TSPAN15: variants seen among roughly 807,000 people sequenced by gnomAD.
TSPAN15 encodes the protein tetraspanin 15.
TSPAN15 carries 20 observed loss-of-function variants against 34.5 expected under a neutral mutation model. The observed-to-expected ratio is 0.58, with a 90% CI of 0.41 to 0.84. The LOEUF (loss-of-function observed/expected upper bound fraction) is 0.84. Among genes scored for constraint, TSPAN15 ranks in the 40% least tolerant of loss-of-function variants. TSPAN15 has a pLI of 0.00. For synonymous variants in TSPAN15, 155 were observed against 153.9 expected (o/e 1.01, Z -0.05); for missense variants, 313 against 386.1 (o/e 0.81, Z 1.59).
intron 1 of TSPAN15, among the ~76,000 whole-genome samples, chr10:69,466,544 G>A (rs1339751035): frequency 5.5e-5 from 6 of 108,988 alleles, no homozygotes; most frequent in East Asian, 5.4e-4. Flanking sequence ...GGTCAGGACC[G>A]TATTTACTTG....
At chr10:69,545,320 T>C in the TSPAN15 span, among the ~76,000 whole-genome samples, 2 of 152,284 alleles carry the variant, frequency 1.3e-5, no homozygotes, top group South Asian at 4.1e-4. Flanking sequence ...CTTTGGGGAC[T>C]TCCTGCTCCC....
At chr10:69,508,876 A>T (rs142068133), downstream of TSPAN15, among the ~76,000 whole-genome samples, 436 of 152,306 alleles carry the variant, frequency 2.9e-3, 3 homozygotes, top group African/African-American at 0.01. Flanking sequence ...CTGTGCACAC[A>T]TGGTACTAGG....
chr10:69,469,111 AC>A, intron 1 of TSPAN15, among the ~76,000 whole-genome samples: 1 of 146,588 alleles, frequency 6.8e-6, no homozygotes, highest in East Asian at 2.0e-4. Flanking sequence ...TCTATGTAAA[AC>A]TTTTTTTTTT....
chr10:69,495,322 C>A, intron 3 of TSPAN15: 1 of 387,782 alleles, frequency 2.6e-6, no homozygotes. Context: ...AGGGCCTGGG[C>A]TGTCTGGTCT....
the TSPAN15 span, among the ~76,000 whole-genome samples, chr10:69,547,388 C>T: frequency 6.6e-6 from 1 of 152,184 alleles, no homozygotes; most frequent in African/African-American, 2.4e-5. Flanking sequence ...GCCCTGTGCT[C>T]ACTGCTGGGA....
intron 1 of TSPAN15, among the ~76,000 whole-genome samples, chr10:69,476,846 G>C (rs184122819): frequency 5.3e-5 from 8 of 152,236 alleles, no homozygotes; most frequent in African/African-American, 1.9e-4. Flanking sequence ...GGCCAGGTCA[G>C]TGGGATGGAG....
At chr10:69,496,318 TGCAATAATA>T (rs1564613794) in intron 4 of TSPAN15, among the ~76,000 whole-genome samples, 4 of 106,368 alleles carry the variant, frequency 3.8e-5, no homozygotes, top group African/African-American at 1.5e-4. Context: ...AATCTGTTGG[TGCAATAATA>T]ATAATAATAA....
intron 3 of TSPAN15, among the ~76,000 whole-genome samples, chr10:69,492,196 C>G (rs1243361146): frequency 6.6e-6 from 1 of 152,100 alleles, no homozygotes; most frequent in Admixed American, 6.5e-5. Context: ...TGTTGGGCAT[C>G]TGGGAATGGC....
chr10:69,484,030 A>G (rs1841796023), intron 2 of TSPAN15, 154 bp downstream of exon 2: 1 of 689,300 alleles, frequency 1.5e-6, no homozygotes, highest in African/African-American at 1.8e-5. Context: ...ACACTGGCCC[A>G]AGAATGCCCA....
Position 69,483,700 on chromosome 10 carries a change from G to T in TSPAN15, c.106G>T (p.Ala36Ser), listed in dbSNP as rs1321752584. Residue 36 changes from alanine to serine, a missense_variant, in exon 2 of 8, where the codon GCC (alanine) becomes TCC (serine). Physicochemically the swap from Ala to Ser is moderately conservative, Grantham distance 99. Transcript: ENST00000373290. ...IYSTVFWLIG[A>S]LVLSVGIYAE... is the part of the protein sequence containing the mutation. ...TGTTTTCTTGCTGCAGCTGATTGGG[G>T]CCCTGGTCCTGTCTGTGGGCATCTA... The T allele has an allele frequency of 6.2e-7, 1 of 1,613,632 alleles. No individual in the cohort carries two copies. Among genetic ancestry groups the T allele is most frequent in the Non-Finnish European group, 8.5e-7 (1 of 1,179,656 alleles).
At position 69,500,308 on chromosome 10, in the gene TSPAN15, G is replaced by GT. The variant is rs1284519298; in HGVS notation, c.570+1912_570+1913insT. ...GTCCCCTACTGGGGTGAGGGGGCCA[G>GT]GCCTTCACACTCCCACCCACATTGA... On this transcript the variant is annotated intron_variant, in intron 5 of 7. Transcript: ENST00000373290. 2.0e-5 allele frequency among the ~76,000 whole-genome samples: 3 copies of GT among 152,282 alleles called. No homozygotes were observed. In the East Asian group the frequency reaches 5.8e-4, roughly 29 times the overall value.
At chr10:69,495,025 C>A in intron 3 of TSPAN15, 1 of 304,804 alleles carries the variant, frequency 3.3e-6, no homozygotes, top group Non-Finnish European at 4.8e-6. Flanking sequence ...AGGAGAACAG[C>A]CCATGAGGGA....
intron 6 of TSPAN15, among the ~76,000 whole-genome samples, chr10:69,504,764 C>T (rs115772827): frequency 0.013 from 1,938 of 152,256 alleles, 53 homozygotes; most frequent in African/African-American, 0.044. Context: ...TCCTGGTACC[C>T]GCAGCGTGCT....
chr10:69,489,248 C>T (rs1046545620), intron 3 of TSPAN15, among the ~76,000 whole-genome samples: 13 of 152,172 alleles, frequency 8.5e-5, no homozygotes, highest in Non-Finnish European at 1.5e-4. Flanking sequence ...TTGCCCAACC[C>T]CGCAGGCAGT....
At chr10:69,543,735 A>G in the TSPAN15 span, among the ~76,000 whole-genome samples, 26 of 152,186 alleles carry the variant, frequency 1.7e-4, no homozygotes, top group East Asian at 3.5e-3. Flanking sequence ...TTTCATTGCA[A>G]GCTAACAAGG....
At chr10:69,507,796 A>T, downstream of TSPAN15, 1 of 553,524 alleles carries the variant, frequency 1.8e-6, no homozygotes, top group Non-Finnish European at 2.7e-6. Flanking sequence ...ATAGCTTGGG[A>T]TACAGGTGGG....
In TSPAN15 at chr10:69,506,816, C is replaced by G. The variant is rs1167511515; in HGVS notation, c.736-13C>G. ...CCCAGCAGGCCCTCACCAGCCCTGC[C>G]CCTTCTTCTCAGTTCCTGGGGGTGC... On this transcript the variant is annotated splice_polypyrimidine_tract_variant and intron_variant, in intron 7 of 7. Transcript: ENST00000373290. The surrounding 1 kb of genome is among the most constrained non-coding windows in gnomAD (Gnocchi z 4.7). The G allele has an allele frequency of 6.4e-7, 1 of 1,567,630 alleles. No homozygotes were observed. Among genetic ancestry groups the G allele is most frequent in the African/African-American group, 1.3e-5 (1 of 74,236 alleles).
At position 69,485,208 on chromosome 10, in the gene TSPAN15, G is replaced by A. The variant is rs777405635; in HGVS notation, c.350G>A (p.Arg117Gln). Reference sequence around the variant, plus strand: ...GGTGGCGTGGTGGCCTTGACCTTCCGGAACCAGGTGGGCCTGTGGATTTGT... The same window carrying A: ...GGTGGCGTGGTGGCCTTGACCTTCCAGAACCAGGTGGGCCTGTGGATTTGT... ...LIGGVVALTF[R>Q]NQTIDFLNDN... Residue 117 changes from arginine to glutamine, a missense_variant, in exon 3 of 8, where the codon CGG becomes CAG. Coordinates refer to ENST00000373290, the MANE Select transcript of TSPAN15 (RefSeq NM_012339.5). 1.1e-5 allele frequency: 17 copies of A among 1,613,926 alleles called. No homozygotes were observed. The highest frequency in any genetic ancestry group is 1.6e-4 in the Middle Eastern group (1 of 6,084).
chr10:69,482,066 T>C (rs917236122), intron 1 of TSPAN15, among the ~76,000 whole-genome samples: 1 of 143,168 alleles, frequency 7.0e-6, no homozygotes, highest in African/African-American at 2.7e-5. Context: ...GGAAGACAAA[T>C]TCAAAAAAAA....
Sources: gnomAD v4.1 joint callset for allele counts (sites outside exome capture counted in the v4.1 genomes callset) on GRCh38, gnomAD v4.1.1 for gene constraint, Gnocchi (gnomAD v3.1) non-coding constraint, MANE v1.5 for transcripts, NCBI Gene and HGNC (gene_info 2026-07-23, HGNC 2026-07-21) for gene names.